Variants in AP1B1 observed in about 807,000 individuals in gnomAD.
AP1B1 encodes the protein AP-1 complex subunit beta-1.
Under a neutral mutation model 104.3 loss-of-function variants are expected in AP1B1, and 36 were observed. The ratio of observed to expected loss-of-function variants is 0.35; its 90% confidence interval spans 0.26 to 0.46. The LOEUF (loss-of-function observed/expected upper bound fraction) is 0.46, where lower values mean the gene tolerates loss of function less well. Among genes scored for constraint, AP1B1 ranks in the 20% least tolerant of loss-of-function variants. The pLI, the probability that AP1B1 is intolerant of heterozygous loss-of-function variation, is 1.00. For synonymous variants in AP1B1, 504 were observed against 517.5 expected (o/e 0.97, Z 0.35); for missense variants, 901 against 1,247.9 (o/e 0.72, Z 4.19).
At chr22:29,368,616 G>A (rs2062180864) in intron 1 of AP1B1, among the ~76,000 whole-genome samples, 1 of 152,186 alleles carries the variant, frequency 6.6e-6, no homozygotes, top group South Asian at 2.1e-4. Flanking sequence ...ACGTGCCCAA[G>A]GTCAAATGGC....
intron 11 of AP1B1, among the ~76,000 whole-genome samples, chr22:29,343,298 G>C (rs566035173): frequency 1.0e-3 from 154 of 152,350 alleles, no homozygotes; most frequent in Non-Finnish European, 1.6e-3. Context: ...TGCAGCAGGA[G>C]GGCAGGAGTG....
chr22:29,375,863 G>C (rs1286500931), intron 1 of AP1B1, among the ~76,000 whole-genome samples: 1 of 152,234 alleles, frequency 6.6e-6, no homozygotes, highest in Non-Finnish European at 1.5e-5. Flanking sequence ...GAGGCCTAGA[G>C]CCTGGCTCAT....
intron 1 of AP1B1, among the ~76,000 whole-genome samples, chr22:29,387,558 A>G (rs2062548541): frequency 6.6e-6 from 1 of 152,126 alleles, no homozygotes; most frequent in Non-Finnish European, 1.5e-5. Context: ...CACCCGCCTC[A>G]GCTTCCCAAA....
At chr22:29,383,848 A>G (rs2062477509) in intron 1 of AP1B1, among the ~76,000 whole-genome samples, 1 of 152,198 alleles carries the variant, frequency 6.6e-6, no homozygotes, top group African/African-American at 2.4e-5. Context: ...TTGTGGGGTC[A>G]ACCCAGAGTT....
chr22:29,363,218 T>C, intron 2 of AP1B1, 112 bp from the exon 3 acceptor site: 1 of 648,256 alleles, frequency 1.5e-6, no homozygotes, highest in Non-Finnish European at 2.8e-6. Context: ...TCCTATGCTG[T>C]TGGCTGAGGG....
chr22:29,329,280 G>A, intron 22 of AP1B1: 2 of 1,155,794 alleles, frequency 1.7e-6, no homozygotes. Flanking sequence ...AGGGGGTGCG[G>A]AGGGCTGGGA....
intron 5 of AP1B1, among the ~76,000 whole-genome samples, chr22:29,357,773 G>A (rs1464121427): frequency 1.4e-5 from 2 of 139,704 alleles, no homozygotes; most frequent in Admixed American, 7.5e-5. Flanking sequence ...TGCAACCTCC[G>A]ACTTCCTGGG....
At chr22:29,350,602 G>A (rs992360325) in intron 9 of AP1B1, among the ~76,000 whole-genome samples, 2 of 152,158 alleles carry the variant, frequency 1.3e-5, no homozygotes, top group Admixed American at 6.5e-5. Flanking sequence ...GGCATCATAG[G>A]CTCCAGGGTG....
At chr22:29,344,514 A>ATTTTTTTT (rs35466454) in intron 11 of AP1B1, among the ~76,000 whole-genome samples, 2 of 93,808 alleles carry the variant, frequency 2.1e-5, no homozygotes, top group Non-Finnish European at 2.0e-5. Context: ...CCTGGCCAAG[A>ATTTTTTTT]TTTTTTTTTT....
Position 29,359,913 on chromosome 22 carries a change from C to A in AP1B1, c.190G>T (p.Glu64Ter). The part of the protein sequence containing the change: ...VVNCMQTDNL[E>*]LKKLVYLYLM... ...TAGAGGTATACTAGCTTCTTCAGCT[C>A]CAGGTTGTCCGTCTGCATGCAGTTG... The change falls in exon 4 of 23, where the codon GAG (glutamate) becomes TAG (stop). Residue 64 changes from glutamate to a stop codon, truncating the protein, a stop_gained. Coordinates refer to ENST00000357586, the MANE Select transcript of AP1B1 (RefSeq NM_001127.4). LOFTEE classifies it high-confidence loss of function. The A allele has an allele frequency of 6.2e-7, 1 of 1,614,044 alleles. No homozygotes were observed. Among genetic ancestry groups the A allele is most frequent in the Non-Finnish European group, 8.5e-7 (1 of 1,179,974 alleles).
intron 6 of AP1B1, among the ~76,000 whole-genome samples, chr22:29,355,218 CAG>C (rs1374339392): frequency 6.6e-6 from 1 of 151,300 alleles, no homozygotes; most frequent in Non-Finnish European, 1.5e-5. Context: ...GCCTGGGCAA[CAG>C]AGTGAGACCC....
At chr22:29,359,980 C>T in intron 3 of AP1B1, 21 bp from the exon 4 acceptor site, 1 of 1,608,678 alleles carries the variant, frequency 6.2e-7, no homozygotes, top group Non-Finnish European at 8.5e-7. Flanking sequence ...AAAATGGTGT[C>T]AGCATGGGAA....
At chr22:29,357,749 C>T (rs1806556556) in intron 5 of AP1B1, among the ~76,000 whole-genome samples, 1 of 146,376 alleles carries the variant, frequency 6.8e-6, no homozygotes, top group Non-Finnish European at 1.5e-5. Flanking sequence ...TACAGTGACG[C>T]AGTCTTAGCT....
At chr22:29,341,133 G>A (rs934702073) in intron 13 of AP1B1, among the ~76,000 whole-genome samples, 4 of 152,216 alleles carry the variant, frequency 2.6e-5, no homozygotes, top group Admixed American at 6.5e-5. Context: ...GCCCTAGGAC[G>A]GTGCCACCAG....
At position 29,358,892 on chromosome 22, in the gene AP1B1, T is replaced by TC; in HGVS notation, c.358dup (p.Glu120GlyfsTer47). On this transcript the variant is annotated frameshift_variant, in exon 5 of 23. Coordinates refer to ENST00000357586, the MANE Select transcript of AP1B1 (RefSeq NM_001127.4). LOFTEE classifies it high-confidence loss of function. ...CTTCCGGAGTGGCTCGCACAGGTACTCTGTGATCTTGTCAACGCGGATGCA... is the reference window on the plus strand; with the variant it reads ...CTTCCGGAGTGGCTCGCACAGGTACTCCTGTGATCTTGTCAACGCGGATGCA... 1 of 1,613,762 alleles carries TC rather than the reference T, an allele frequency of 6.2e-7. No individual in the cohort carries two copies. The highest frequency in any genetic ancestry group is 1.3e-5 in the African/African-American group (1 of 75,028).
intron 13 of AP1B1, 62 bp downstream of exon 13, chr22:29,341,439 T>C (rs2061712708): frequency 3.2e-6 from 5 of 1,571,470 alleles, no homozygotes; most frequent in Non-Finnish European, 4.3e-6. Flanking sequence ...CCTGAGTGCC[T>C]GTGCTGCTAA....
intron 3 of AP1B1, 54 bp downstream of exon 3, chr22:29,362,947 A>C (rs2062074215): frequency 7.9e-7 from 1 of 1,262,862 alleles, no homozygotes; most frequent in Non-Finnish European, 1.2e-6. Flanking sequence ...CCCAAGCTAT[A>C]AACCCTCCCC....
intron 13 of AP1B1, 126 bp from the exon 14 acceptor site, chr22:29,340,983 T>C: frequency 2.2e-6 from 2 of 913,886 alleles, no homozygotes; most frequent in South Asian, 3.4e-5. Flanking sequence ...CCGACAGGGC[T>C]GTCCACACGG....
In AP1B1 at chr22:29,358,855, G is replaced by A. The variant is rs543962317; in HGVS notation, c.396C>T (p.Asp132=). ...LCEPLRKCLK[D]EDPYVRKTAA... is the part of the protein sequence containing the mutation. The stretch of plus-strand genomic sequence containing the variant: ...CTGTCTTGCGCACATATGGATCCTC[G>A]TCCTTCAGGCACTTCCGGAGTGGCT... The change falls in exon 5 of 23, where the codon GAC becomes GAT. Residue 132 remains aspartate, a synonymous_variant. Coordinates refer to ENST00000357586, the MANE Select transcript of AP1B1 (RefSeq NM_001127.4). 52 of 1,614,206 alleles carry A rather than the reference G, an allele frequency of 3.2e-5. 1 individual carries two copies. Among genetic ancestry groups the A allele is most frequent in the East Asian group, 2.9e-4 (13 of 44,882 alleles).
Sources: gnomAD v4.1 joint callset for allele counts (sites outside exome capture counted in the v4.1 genomes callset) on GRCh38, gnomAD v4.1.1 for gene constraint, MANE v1.5 for transcripts, NCBI Gene and HGNC (gene_info 2026-07-23, HGNC 2026-07-21) for gene names.